Variants in BRF1 observed in about 807,000 individuals in gnomAD.
BRF1 encodes the protein BRF1 general transcription factor IIIB subunit.
A neutral mutation model predicts 81.7 loss-of-function variants in BRF1; 59 were observed. The observed-to-expected ratio is 0.72, with a 90% confidence interval of 0.59 to 0.90. BRF1 has a LOEUF of 0.90. Among genes scored for constraint, BRF1 ranks in the 40% least tolerant of loss-of-function variants. The pLI is 0.00. For synonymous variants in BRF1, 491 were observed against 395.6 expected, an observed-to-expected ratio of 1.24 and a Z score of -2.86; for missense variants, 1,050 against 936.3, an observed-to-expected ratio of 1.12 and a Z score of -1.58.
intron 2 of BRF1, among the ~76,000 whole-genome samples, chr14:105,282,099 A>G (rs1015773733): frequency 6.6e-6 from 1 of 152,162 alleles, no homozygotes; most frequent in Non-Finnish European, 1.5e-5. Context: ...ATCAAAACAC[A>G]CTGGCATTCA....
Position 105,211,247 on chromosome 14 carries a change from G to A in BRF1, c.1871C>T (p.Pro624Leu), listed in dbSNP as rs1054510567. The A allele has an allele frequency of 1.9e-6, 3 of 1,608,860 alleles. No individual in the cohort carries two copies. The highest frequency in any genetic ancestry group is 1.7e-5 in the Admixed American group (1 of 59,876). Residue 624 changes from proline to leucine, a missense_variant, in exon 17 of 18, where the codon CCC becomes CTC. Pro to Leu is a moderately conservative substitution (Grantham distance 98, BLOSUM62 -3). Transcript: ENST00000547530. Reference protein sequence around the residue: ...SPTLGAEPARPQAVLVESGPV... With the variant: ...SPTLGAEPARLQAVLVESGPV... ...CCCGCTCTCCACCAGCACCGCCTGGGGCCTGGCAGGCTCAGCTCCGAGGGT... is the reference window on the plus strand; with the variant it reads ...CCCGCTCTCCACCAGCACCGCCTGGAGCCTGGCAGGCTCAGCTCCGAGGGT...
chr14:105,298,977 T>C lies in BRF1; in HGVS notation c.184+1469A>G, dbSNP rs1341495524. On this transcript the variant is annotated intron_variant, in intron 1 of 17. Coordinates refer to ENST00000547530, the MANE Select transcript of BRF1 (RefSeq NM_001519.4). ...CGAGGTCAGGAGATCGAGACCATCC[T>C]GGCTATCACAGTGAAACCCCGTCTC... Among the ~76,000 whole-genome samples, 3 of 151,972 alleles carry C rather than the reference T, an allele frequency of 2.0e-5. No individual in the cohort carries two copies. The East Asian group carries it at 5.8e-4, about 30-fold the overall frequency.
intron 2 of BRF1, among the ~76,000 whole-genome samples, chr14:105,283,971 G>A (rs1041078023): frequency 1.3e-5 from 2 of 152,130 alleles, no homozygotes; most frequent in African/African-American, 2.4e-5. Context: ...GTGCCAGGAA[G>A]CCCTGAAACA....
At chr14:105,300,397 G>A in intron 1 of BRF1, 49 bp downstream of exon 1, 1 of 1,468,742 alleles carries the variant, frequency 6.8e-7, no homozygotes, top group Non-Finnish European at 9.0e-7. Flanking sequence ...CCTCCAGCCC[G>A]CCTAAGCCGC....
At chr14:105,289,996 T>C (rs939357921) in intron 1 of BRF1, among the ~76,000 whole-genome samples, 34 of 152,216 alleles carry the variant, frequency 2.2e-4, no homozygotes, top group African/African-American at 8.0e-4. Flanking sequence ...CATGCTGGTC[T>C]CCAGCACATG....
intron 5 of BRF1, among the ~76,000 whole-genome samples, chr14:105,252,070 C>T (rs2816608): frequency 0.35 from 53,258 of 151,942 alleles, 10,378 homozygotes; most frequent in African/African-American, 0.52. Flanking sequence ...CCAGGTGTGT[C>T]CCTTAAACCT....
chr14:105,216,002 GCA>G (rs146844788), intron 15 of BRF1, among the ~76,000 whole-genome samples: 1,868 of 112,180 alleles, frequency 0.017, 135 homozygotes, highest in African/African-American at 0.064. Context: ...ACACACACAT[GCA>G]CACACACGCT....
At chr14:105,218,901 C>A (rs776807806) in intron 14 of BRF1, 97 bp downstream of exon 14, 20 of 1,559,906 alleles carry the variant, frequency 1.3e-5, no homozygotes, top group Admixed American at 3.4e-5. Context: ...GGGGCCTAGA[C>A]CCTCCTGTCA....
At chr14:105,307,124 C>T (rs1431304124) in intron 1 of BRF1, among the ~76,000 whole-genome samples, 4 of 151,578 alleles carry the variant, frequency 2.6e-5, no homozygotes, top group South Asian at 2.1e-4. Flanking sequence ...AGCTCACTGT[C>T]GTCTCAAACT....
chr14:105,312,185 C>T (rs953969630), intron 1 of BRF1, among the ~76,000 whole-genome samples: 6 of 152,254 alleles, frequency 3.9e-5, no homozygotes, highest in Admixed American at 3.9e-4. Context: ...CCTGAGCCTT[C>T]ACCCTAGGTG....
At chr14:105,261,839 G>A (rs2056171252) in intron 3 of BRF1, among the ~76,000 whole-genome samples, 2 of 152,222 alleles carry the variant, frequency 1.3e-5, no homozygotes, top group African/African-American at 4.8e-5. Flanking sequence ...ACGGCGTGAG[G>A]ACCAAGGAGC....
In BRF1 at chr14:105,216,485, A is replaced by AGGAGACAGCCCATGCGGC. The variant is rs765109803; in HGVS notation, c.1772+1041_1772+1058dup. On this transcript the variant is annotated intron_variant, in intron 15 of 17. Coordinates refer to ENST00000547530, the MANE Select transcript of BRF1 (RefSeq NM_001519.4). ...GAGGACCAGTGCATGGCTGATGTGG[A>AGGAGACAGCCCATGCGGC]GGAGACAGCCCATGCGGCCCTCCTG... is the stretch of plus-strand genomic sequence containing the variant. Among the ~76,000 whole-genome samples, 1,190 of 152,302 alleles carry AGGAGACAGCCCATGCGGC rather than the reference A, an allele frequency of 7.8e-3. 4 individuals carry two copies. The highest frequency in any genetic ancestry group is 0.014 in the Middle Eastern group (4 of 294).
At chr14:105,221,109 A>T (rs1188296511) in intron 11 of BRF1, among the ~76,000 whole-genome samples, 2 of 152,198 alleles carry the variant, frequency 1.3e-5, no homozygotes, top group African/African-American at 4.8e-5. Context: ...GCGTTGCAGG[A>T]AGGTCTAGGC....
At chr14:105,225,840 G>A (rs1043993249) in intron 10 of BRF1, among the ~76,000 whole-genome samples, 1 of 152,138 alleles carries the variant, frequency 6.6e-6, no homozygotes, top group Non-Finnish European at 1.5e-5. Context: ...TAGAGACAGG[G>A]TTTCACCATG....
At chr14:105,211,558 C>T (rs932715026) in intron 16 of BRF1, 7 of 509,438 alleles carry the variant, frequency 1.4e-5, no homozygotes, top group African/African-American at 5.9e-5. Context: ...CCCCAGTGCT[C>T]GGGGAGCATG....
At chr14:105,248,068 G>A (rs1196952249) in intron 5 of BRF1, 6 of 985,348 alleles carry the variant, frequency 6.1e-6, no homozygotes, top group Non-Finnish European at 7.2e-6. Context: ...TTCAGCGCGC[G>A]ACTAACCTCT....
intron 2 of BRF1, among the ~76,000 whole-genome samples, chr14:105,282,578 A>T (rs1336948308): frequency 6.6e-6 from 1 of 152,230 alleles, no homozygotes; most frequent in African/African-American, 2.4e-5. Context: ...AGAATAAACA[A>T]AATTTAAACA....
intron 5 of BRF1, chr14:105,249,084 A>G (rs914047378): frequency 1.4e-6 from 2 of 1,431,370 alleles, no homozygotes; most frequent in Non-Finnish European, 1.8e-6. Context: ...GCTGCGCGAG[A>G]GGTGAGCCCG....
chr14:105,229,476 A>C (rs1319854184), intron 6 of BRF1, among the ~76,000 whole-genome samples: 1 of 152,184 alleles, frequency 6.6e-6, no homozygotes, highest in South Asian at 2.1e-4. Flanking sequence ...GGCCCGGATG[A>C]GGAGTGAGGG....
Sources: gnomAD v4.1 joint callset for allele counts (sites outside exome capture counted in the v4.1 genomes callset) on GRCh38, gnomAD v4.1.1 for gene constraint, MANE v1.5 for transcripts, NCBI Gene and HGNC (gene_info 2026-07-23, HGNC 2026-07-21) for gene names.